SPAG9: variants seen among roughly 807,000 people sequenced by gnomAD.
The protein encoded by SPAG9 is sperm associated antigen 9.
SPAG9 carries 35 observed loss-of-function variants against 166.5 expected under a neutral mutation model. That is an observed-to-expected ratio of 0.21 (90% CI 0.16 to 0.28). The LOEUF is 0.28. SPAG9 is among the 10% of genes least tolerant of loss of function. SPAG9 has a pLI of 1.00. For synonymous variants in SPAG9, 534 were observed against 565.5 expected, an observed-to-expected ratio of 0.94 and a Z score of 0.79; for missense variants, 1,235 against 1,603.3, an observed-to-expected ratio of 0.77 and a Z score of 3.92.
Position 51,120,732 on chromosome 17 carries a change from G to C in SPAG9, c.-76C>G, listed in dbSNP as rs1457968774. 8 of 1,340,660 alleles carry C rather than the reference G, an allele frequency of 6.0e-6. No individual in the cohort carries two copies. The African/African-American group carries it at 7.3e-5, about 12-fold the overall frequency. 83.0% of individuals were successfully genotyped at this position (1,340,660 alleles called of 1,614,324 possible). On this transcript the variant is annotated 5_prime_UTR_variant, in exon 1 of 30. Transcript: ENST00000262013. This position sits in a 1 kb window ranked among gnomAD's most constrained non-coding sequence, Gnocchi z 4.7. ...GCACCTGCCCGCACGGGACGGACCC[G>C]ACTCGGGCTGGGACGGGTACTAGGG...
chr17:50,994,849 ACT>A (rs1279574217), intron 18 of SPAG9, among the ~76,000 whole-genome samples: 9 of 152,256 alleles, frequency 5.9e-5, no homozygotes, highest in South Asian at 4.1e-4. Context: ...ATGTGTCAAA[ACT>A]CTGACCTATA....
intron 5 of SPAG9, among the ~76,000 whole-genome samples, chr17:51,034,709 T>A (rs1440043911): frequency 6.6e-6 from 1 of 152,150 alleles, no homozygotes; most frequent in Admixed American, 6.5e-5. Flanking sequence ...CTATTAGCAA[T>A]ATTTTACTAA....
Position 51,047,446 on chromosome 17 carries a change from A to G in SPAG9, c.519T>C (p.His173=). ...HTEMIHNYME[H]LERTKLHQLS... Reference sequence around the variant, plus strand: ...GCTGATGAAGTTTTGTTCTTTCTAAATGTTCCATATAATTATGGATCATCT... The same window carrying G: ...GCTGATGAAGTTTTGTTCTTTCTAAGTGTTCCATATAATTATGGATCATCT... The change falls in exon 4 of 30, where the codon CAT becomes CAC. Residue 173 remains histidine, a synonymous_variant. Transcript: ENST00000262013. The G allele has an allele frequency of 1.3e-6, 2 of 1,571,346 alleles. No individual in the cohort carries two copies. Among genetic ancestry groups the G allele is most frequent in the Non-Finnish European group, 1.7e-6 (2 of 1,150,148 alleles).
intron 5 of SPAG9, among the ~76,000 whole-genome samples, chr17:51,033,900 G>T (rs1444679483): frequency 2.0e-5 from 3 of 152,210 alleles, no homozygotes; most frequent in African/African-American, 7.2e-5. Flanking sequence ...AATTACCTCA[G>T]ATGAAGTCAC....
intron 26 of SPAG9, among the ~76,000 whole-genome samples, chr17:50,979,126 C>A (rs1974400154): frequency 6.6e-6 from 1 of 151,730 alleles, no homozygotes; most frequent in South Asian, 2.1e-4. Flanking sequence ...AACACCAGCA[C>A]TTTGGGAGGC....
intron 15 of SPAG9, 119 bp downstream of exon 15, chr17:50,998,325 T>C (rs2143920794): frequency 1.1e-6 from 1 of 933,402 alleles, no homozygotes; most frequent in Non-Finnish European, 1.6e-6. Context: ...CCACCGTGCC[T>C]GGCCCAGAAA....
At position 51,037,616 on chromosome 17, in the gene SPAG9, T is replaced by TA. The variant is rs540621902; in HGVS notation, c.741+3884dup. On this transcript the variant is annotated intron_variant, in intron 5 of 29. Coordinates refer to ENST00000262013, the MANE Select transcript of SPAG9 (RefSeq NM_001130528.3). ...GGACAAAGCTAGACTCCATCTCAAA[T>TA]AAAAAAAAAAAATTATATATATAAA... Among the ~76,000 whole-genome samples, 388 of 106,194 alleles carry TA rather than the reference T, an allele frequency of 3.7e-3. 6 individuals carry two copies. The highest frequency in any genetic ancestry group is 9.5e-3 in the African/African-American group (287 of 30,098). 69.7% of individuals were successfully genotyped at this position (106,194 alleles called of 152,430 possible).
chr17:51,020,287 A>G (rs1254298326), intron 7 of SPAG9, 29 bp from the exon 8 acceptor site: 1 of 1,414,206 alleles, frequency 7.1e-7, no homozygotes, highest in Admixed American at 1.7e-5. Flanking sequence ...GAAATAAACA[A>G]TACATATATT....
intron 3 of SPAG9, among the ~76,000 whole-genome samples, chr17:51,056,124 A>G (rs150866263): frequency 3.9e-5 from 6 of 152,308 alleles, no homozygotes; most frequent in African/African-American, 1.4e-4. Context: ...CATTATGTGC[A>G]CATAGGTTTT....
chr17:51,088,627 T>G (rs563055023), intron 1 of SPAG9, among the ~76,000 whole-genome samples: 1 of 152,168 alleles, frequency 6.6e-6, no homozygotes, highest in Admixed American at 6.5e-5. Context: ...AAACCTCGTC[T>G]CTACTAAAAA....
intron 25 of SPAG9, 103 bp from the exon 26 acceptor site, chr17:50,980,020 C>A: frequency 1.0e-6 from 1 of 972,820 alleles, no homozygotes; most frequent in Non-Finnish European, 1.5e-6. Context: ...AAAGACAAGC[C>A]CAAATATTAT....
chr17:51,022,975 A>ATAATAATAATAATAC (rs60509039), intron 6 of SPAG9, among the ~76,000 whole-genome samples: 1 of 148,482 alleles, frequency 6.7e-6, no homozygotes, highest in Non-Finnish European at 1.5e-5. Flanking sequence ...AATAATAATA[A>ATAATAATAATAATAC]ATCAGGGTTA....
intron 3 of SPAG9, among the ~76,000 whole-genome samples, chr17:51,052,612 T>C (rs1034169051): frequency 2.0e-5 from 3 of 151,844 alleles, no homozygotes; most frequent in Admixed American, 6.6e-5. Context: ...CTAGACTATC[T>C]TTTCCTCAAG....
chr17:50,989,862 T>C lies in SPAG9; in HGVS notation c.2628A>G (p.Ala876=), dbSNP rs754762829. 1.9e-6 allele frequency: 3 copies of C among 1,614,076 alleles called. No homozygotes were observed. In the South Asian group the frequency reaches 3.3e-5, roughly 18 times the overall value. The change falls in exon 21 of 30, where the codon GCA becomes GCG. Residue 876 remains alanine (A), a synonymous_variant. Coordinates refer to ENST00000262013, the MANE Select transcript of SPAG9 (RefSeq NM_001130528.3). ...CATTTTCATCAACCTCACTATTTTCTGCTTCCATTTCTACAAAGTAAATAA... is the reference window on the plus strand; with the variant it reads ...CATTTTCATCAACCTCACTATTTTCCGCTTCCATTTCTACAAAGTAAATAA... ...PVMDKPPEME[A]ENSEVDENVP...
chr17:50,967,737 T>C (rs928622695), intron 29 of SPAG9, among the ~76,000 whole-genome samples: 3 of 152,202 alleles, frequency 2.0e-5, no homozygotes, highest in Non-Finnish European at 4.4e-5. Context: ...ATTAAAAATA[T>C]GGGACTTTAG....
chr17:51,115,797 T>C (rs1258639413), intron 1 of SPAG9, among the ~76,000 whole-genome samples: 2 of 151,470 alleles, frequency 1.3e-5, no homozygotes, highest in African/African-American at 4.9e-5. Context: ...ACCATTGCAC[T>C]CTAGCCTGGG....
Position 51,120,835 on chromosome 17 carries a change from C to A in SPAG9, c.-179G>T, listed in dbSNP as rs957856526. On this transcript the variant is annotated 5_prime_UTR_variant, in exon 1 of 30. Coordinates refer to ENST00000262013, the MANE Select transcript of SPAG9 (RefSeq NM_001130528.3). This position sits in a 1 kb window ranked among gnomAD's most constrained non-coding sequence, Gnocchi z 4.7. The stretch of plus-strand genomic sequence containing the variant: ...CGGAGGAGGGGAGGGGTGGCGTAGG[C>A]GCTCTCACCCCAACCGCCGCTGCAC... 17 of 413,024 alleles carry A rather than the reference C, an allele frequency of 4.1e-5. No homozygotes were observed. The Admixed American group carries it at 8.0e-4, about 19-fold the overall frequency. The allele number at this position is 413,024 out of a possible 1,614,324, so 25.6% of individuals were successfully genotyped here.
At chr17:51,112,673 A>AAAC (rs2049150240) in intron 1 of SPAG9, among the ~76,000 whole-genome samples, 1 of 125,824 alleles carries the variant, frequency 7.9e-6, no homozygotes, top group South Asian at 2.2e-4. Context: ...TGTCTCAACA[A>AAAC]AAAAAAAAAA....
At chr17:51,040,346 G>A (rs1457790592) in intron 5 of SPAG9, 1 of 152,028 alleles carries the variant, frequency 6.6e-6, no homozygotes, top group Admixed American at 6.6e-5. Context: ...GGGGCAAGAA[G>A]GGAGAAAAGG....
Sources: allele counts gnomAD v4.1 joint callset (sites outside exome capture counted in the v4.1 genomes callset), GRCh38; gene constraint gnomAD v4.1.1; non-coding constraint Gnocchi (gnomAD v3.1); transcripts MANE v1.5; gene names NCBI Gene and HGNC (gene_info 2026-07-23, HGNC 2026-07-21).